Variants in RASSF5 observed in about 807,000 individuals in gnomAD.
RASSF5 encodes the protein ras association domain-containing protein 5.
In RASSF5, 25 loss-of-function variants were observed where a neutral mutation model predicts 40.5. The observed-to-expected ratio is 0.62, with a 90% CI of 0.45 to 0.86. RASSF5 has a LOEUF of 0.86. Ranked by LOEUF, RASSF5 falls within the 40% of genes least tolerant of loss-of-function variation. RASSF5 has a pLI of 0.00. For synonymous variants in RASSF5, 246 were observed against 252.4 expected, an observed-to-expected ratio of 0.97 and a Z score of 0.24; for missense variants, 521 against 572.8, an observed-to-expected ratio of 0.91 and a Z score of 0.92.
At chr1:206,548,647 A>G (rs368872447) in intron 2 of RASSF5, among the ~76,000 whole-genome samples, 57 of 152,176 alleles carry the variant, frequency 3.7e-4, no homozygotes, top group East Asian at 1.7e-3. Flanking sequence ...ACTTGTCTTT[A>G]TGTTTCTTGT....
rs140971419 is a variant in RASSF5 at position 206,534,117 on chromosome 1, A to G, written c.458-4055A>G. Among the ~76,000 whole-genome samples the G allele has an allele frequency of 3.2e-3, 490 of 152,332 alleles. 1 individual carries two copies. The highest frequency in any genetic ancestry group is 0.011 in the African/African-American group (459 of 41,572). On this transcript the variant is annotated intron_variant, in intron 1 of 5. Coordinates refer to ENST00000579436, the MANE Select transcript of RASSF5 (RefSeq NM_182663.4). ...ATTTTCTGTTTAAGTCACCTGGTTCATGGTACTTGGTTCCAGTGGTCCTGG... is the reference window on the plus strand; with the variant it reads ...ATTTTCTGTTTAAGTCACCTGGTTCGTGGTACTTGGTTCCAGTGGTCCTGG...
At chr1:206,508,167 C>CCCTGGAGCCAA in intron 1 of RASSF5, 108 bp downstream of exon 1, 5 of 850,176 alleles carry the variant, frequency 5.9e-6, no homozygotes, top group Non-Finnish European at 8.2e-6. Context: ...TCTTTGGCTC[C>CCCTGGAGCCAA]AGGGGAGCCC....
chr1:206,583,435 GGC>G, intron 3 of RASSF5, 56 bp downstream of exon 3: 1 of 1,217,076 alleles, frequency 8.2e-7, no homozygotes, highest in Non-Finnish European at 1.2e-6. Context: ...CTTCGGGTTT[GGC>G]GCCTCTGCCC....
intron 2 of RASSF5, chr1:206,542,746 CTTATT>C (rs1212980919): frequency 2.6e-5 from 4 of 152,246 alleles, no homozygotes; most frequent in African/African-American, 9.6e-5. Flanking sequence ...TTTAAATAGA[CTTATT>C]TTATTAAATT....
intron 1 of RASSF5, among the ~76,000 whole-genome samples, chr1:206,511,605 GT>G (rs1208123996): frequency 6.6e-6 from 1 of 152,178 alleles, no homozygotes; most frequent in Non-Finnish European, 1.5e-5. Flanking sequence ...GAGCTGTGAA[GT>G]GTTAAGTGAT....
intron 1 of RASSF5, among the ~76,000 whole-genome samples, chr1:206,525,447 C>T (rs1553397038): frequency 6.6e-6 from 1 of 152,082 alleles, no homozygotes; most frequent in African/African-American, 2.4e-5. Context: ...CTTACTCTGT[C>T]CCCCAGGCTG....
At chr1:206,512,588 T>C (rs1666646056) in intron 1 of RASSF5, among the ~76,000 whole-genome samples, 1 of 152,180 alleles carries the variant, frequency 6.6e-6, no homozygotes, top group Non-Finnish European at 1.5e-5. Context: ...TTTGGTCTGA[T>C]ATCCTCTCTC....
rs1483752288 is a variant in RASSF5 at position 206,588,759 on chromosome 1, T to G, written c.*1781T>G. 6.5e-6 allele frequency: 1 copy of G among 152,784 alleles called. No homozygotes were observed. The highest frequency in any genetic ancestry group is 2.4e-5 in the African/African-American group (1 of 41,450). The allele number at this position is 152,784 out of a possible 1,614,324, so 9.5% of individuals were successfully genotyped here. ...ACAAAAACCCTGGTTAGCCATCTCA[T>G]GCTCAGCCTTATCACTTCCCTCCCT... On this transcript the variant is annotated 3_prime_UTR_variant, in exon 6 of 6. Coordinates refer to ENST00000579436, the MANE Select transcript of RASSF5 (RefSeq NM_182663.4).
intron 1 of RASSF5, among the ~76,000 whole-genome samples, chr1:206,509,729 T>C (rs1228072265): frequency 6.6e-6 from 1 of 150,772 alleles, no homozygotes; most frequent in African/African-American, 2.4e-5. Context: ...TGATTTTCTT[T>C]TTTTTTTTTG....
chr1:206,508,857 G>A lies in RASSF5; in HGVS notation c.457+798G>A, dbSNP rs117579318. 1.5e-3 allele frequency among the ~76,000 whole-genome samples: 229 copies of A among 152,138 alleles called. 6 individuals carry two copies. In the East Asian group the frequency reaches 0.036, roughly 24 times the overall value. On this transcript the variant is annotated intron_variant, in intron 1 of 5. Coordinates refer to ENST00000579436, the MANE Select transcript of RASSF5 (RefSeq NM_182663.4). ...CCTCCTGAGCCAGGCGCTTCTCAAA[G>A]CCAGAAAACACTGGGCCCCCAGTGT...
intron 1 of RASSF5, among the ~76,000 whole-genome samples, chr1:206,523,830 A>T (rs1572298868): frequency 9.4e-6 from 1 of 106,806 alleles, no homozygotes; most frequent in African/African-American, 3.9e-5. Flanking sequence ...TATTATATAT[A>T]ATATATTTTA....
At chr1:206,534,424 C>T (rs1000062517) in intron 1 of RASSF5, among the ~76,000 whole-genome samples, 14 of 152,142 alleles carry the variant, frequency 9.2e-5, no homozygotes, top group Non-Finnish European at 1.5e-4. Context: ...CCTGTTCTCC[C>T]GGAGAAACTA....
chr1:206,587,642 A>T lies in RASSF5; in HGVS notation c.*664A>T, dbSNP rs1553407975. The T allele has an allele frequency of 6.5e-6, 1 of 154,118 alleles. No individual in the cohort carries two copies. The highest frequency in any genetic ancestry group is 2.4e-5 in the African/African-American group (1 of 41,478). The allele number at this position is 154,118 out of a possible 1,614,324, so 9.5% of individuals were successfully genotyped here. A position where few individuals can be genotyped will look rare whatever the true frequency, so the allele number is the denominator to read the frequency against. Reference sequence around the variant, plus strand: ...CTGGCCCTGGCTCTGGCCCTGGCCCACATTGCACATGGAAACCCAAAGGCA... The same window carrying T: ...CTGGCCCTGGCTCTGGCCCTGGCCCTCATTGCACATGGAAACCCAAAGGCA... On this transcript the variant is annotated 3_prime_UTR_variant, in exon 6 of 6. Coordinates refer to ENST00000579436, the MANE Select transcript of RASSF5 (RefSeq NM_182663.4).
At chr1:206,569,020 AGGGTAGTGG>A (rs1668364842) in intron 2 of RASSF5, among the ~76,000 whole-genome samples, 1 of 152,250 alleles carries the variant, frequency 6.6e-6, no homozygotes, top group South Asian at 2.1e-4. Context: ...TTGCCATGAC[AGGGTAGTGG>A]GAGAACATCT....
chr1:206,586,856 A>C lies in RASSF5; in HGVS notation c.1135A>C (p.Asn379His), dbSNP rs782097670. 2 of 1,614,078 alleles carry C rather than the reference A, an allele frequency of 1.2e-6. No homozygotes were observed. Among genetic ancestry groups the C allele is most frequent in the South Asian group, 2.2e-5 (2 of 91,084 alleles). Residue 379 changes from asparagine (N) to histidine (H), a missense_variant, in exon 6 of 6, where the codon AAC becomes CAC. By Grantham distance (68) the Asn-to-His change is moderately conservative (BLOSUM62 1). This residue lies in a region of RASSF5 where 284 missense variants were observed against 360.8 expected (regional missense o/e 0.79). Coordinates refer to ENST00000579436, the MANE Select transcript of RASSF5 (RefSeq NM_182663.4). The stretch of plus-strand genomic sequence containing the variant: ...TGCCTTCTCCATCCCTGAACTTCAG[A>C]ACTTCCTAACAATCCTGGAAAAAGA... The part of the protein sequence containing the change: ...WDAFSIPELQ[N>H]FLTILEKEEQ...
At chr1:206,524,300 A>G (rs1667026421) in intron 1 of RASSF5, among the ~76,000 whole-genome samples, 1 of 141,168 alleles carries the variant, frequency 7.1e-6, no homozygotes, top group Non-Finnish European at 1.5e-5. Context: ...TATAGATACC[A>G]TATGTAATAC....
chr1:206,507,785 CGCCCGGAGGGCT>C lies in RASSF5; in HGVS notation c.190_201del (p.Arg64_Arg67del). 4.3e-6 allele frequency: 6 copies of C among 1,387,602 alleles called. No individual in the cohort carries two copies. Among genetic ancestry groups the C allele is most frequent in the Middle Eastern group, 2.6e-4 (1 of 3,884 alleles). 86.0% of individuals were successfully genotyped at this position (1,387,602 alleles called of 1,614,324 possible). On this transcript the variant is annotated inframe_deletion, in exon 1 of 6. Coordinates refer to ENST00000579436, the MANE Select transcript of RASSF5 (RefSeq NM_182663.4). ...CGCCCGGGGCGCGCGAGGGGCGCAG[CGCCCGGAGGGCT>C]GCCCGGGGGAACCTGGAGCCCCCGC...
chr1:206,508,703 C>T (rs1428859618), intron 1 of RASSF5, among the ~76,000 whole-genome samples: 1 of 152,078 alleles, frequency 6.6e-6, no homozygotes, highest in Non-Finnish European at 1.5e-5. Flanking sequence ...GACTCTGCTC[C>T]AATGTTTGGC....
chr1:206,580,233 T>C (rs1184709243), intron 2 of RASSF5, among the ~76,000 whole-genome samples: 1 of 152,212 alleles, frequency 6.6e-6, no homozygotes, highest in Non-Finnish European at 1.5e-5. Flanking sequence ...CTTCTCACTG[T>C]ATTCAAAATC....
Sources: gnomAD v4.1 joint callset for allele counts (sites outside exome capture counted in the v4.1 genomes callset) on GRCh38, gnomAD v4.1.1 for gene constraint, gnomAD v4.1.1 regional missense constraint, MANE v1.5 for transcripts, NCBI Gene and HGNC (gene_info 2026-07-23, HGNC 2026-07-21) for gene names.